Variants in CTNND2 observed in about 807,000 individuals in gnomAD.
CTNND2 encodes catenin delta-2.
CTNND2 carries 22 observed loss-of-function variants against 144.4 expected under a neutral mutation model. That is an observed-to-expected ratio of 0.15 (90% CI 0.11 to 0.22). The LOEUF is 0.22. CTNND2 is among the 10% of genes least tolerant of loss of function. The pLI, the probability that CTNND2 is intolerant of heterozygous loss-of-function variation, is 1.00. For missense variants in CTNND2, 1,353 were observed against 1,618.8 expected, an observed-to-expected ratio of 0.84 and a Z score of 2.82; for synonymous variants, 751 against 695.6, an observed-to-expected ratio of 1.08 and a Z score of -1.25.
At chr5:11,871,824 T>C (rs554510122) in intron 1 of CTNND2, among the ~76,000 whole-genome samples, 330 of 152,310 alleles carry the variant, frequency 2.2e-3, no homozygotes, top group African/African-American at 7.3e-3. Context: ...AAATTTCTTA[T>C]TCTAATATTG....
chr5:11,560,086 C>T (rs1360257456), intron 3 of CTNND2, among the ~76,000 whole-genome samples: 2 of 152,126 alleles, frequency 1.3e-5, no homozygotes, highest in Admixed American at 6.5e-5. Flanking sequence ...GAAGTGGAGA[C>T]AATGATGACA....
At chr5:11,535,442 T>A (rs1348375013) in intron 3 of CTNND2, among the ~76,000 whole-genome samples, 1 of 152,324 alleles carries the variant, frequency 6.6e-6, no homozygotes, top group East Asian at 1.9e-4. Flanking sequence ...CTTCCGTATA[T>A]AATTTTTTCC....
chr5:11,329,024 T>G (rs899018583), intron 9 of CTNND2, among the ~76,000 whole-genome samples: 1 of 152,250 alleles, frequency 6.6e-6, no homozygotes, highest in Non-Finnish European at 1.5e-5. Context: ...GGCTTGTAGA[T>G]GAACAAATTC....
chr5:11,399,622 A>G (rs7720778), intron 5 of CTNND2, among the ~76,000 whole-genome samples: 8,732 of 152,272 alleles, frequency 0.057, 574 homozygotes, highest in African/African-American at 0.15. Context: ...CTCCCAGAAT[A>G]TATATGATAG....
intron 1 of CTNND2, among the ~76,000 whole-genome samples, chr5:11,809,223 C>T (rs1304110404): frequency 2.6e-5 from 4 of 152,064 alleles, no homozygotes; most frequent in African/African-American, 9.7e-5. Flanking sequence ...GTTGAGATAT[C>T]CATTTATTCT....
At chr5:11,209,718 T>G (rs153603) in intron 10 of CTNND2, among the ~76,000 whole-genome samples, 2 of 151,844 alleles carry the variant, frequency 1.3e-5, no homozygotes, top group Non-Finnish European at 2.9e-5. Context: ...GTCAGGAGAT[T>G]GAGACCATCC....
intron 11 of CTNND2, among the ~76,000 whole-genome samples, chr5:11,171,561 A>G (rs1314922380): frequency 6.6e-6 from 1 of 152,188 alleles, no homozygotes; most frequent in Non-Finnish European, 1.5e-5. Context: ...GTATTTTGTG[A>G]ATGCCTGTTG....
chr5:11,853,900 C>A (rs555327612), intron 1 of CTNND2, among the ~76,000 whole-genome samples: 7 of 152,204 alleles, frequency 4.6e-5, no homozygotes, highest in Non-Finnish European at 1.5e-5. Context: ...TTGACAACAT[C>A]ATCTCTGAAC....
At chr5:11,771,211 G>GTTT (rs1302426806) in intron 1 of CTNND2, among the ~76,000 whole-genome samples, 1 of 125,298 alleles carries the variant, frequency 8.0e-6, no homozygotes, top group African/African-American at 3.1e-5. Flanking sequence ...TTTTTTTTTG[G>GTTT]GATGGAGTCT....
intron 1 of CTNND2, among the ~76,000 whole-genome samples, chr5:11,817,374 G>C (rs1417179832): frequency 2.3e-5 from 1 of 42,942 alleles, no homozygotes; most frequent in Non-Finnish European, 4.2e-5. Flanking sequence ...AGAGAGAGAG[G>C]GGGGGAGAGA....
intron 1 of CTNND2, among the ~76,000 whole-genome samples, chr5:11,818,535 T>C (rs762808348): frequency 2.0e-5 from 3 of 152,204 alleles, no homozygotes; most frequent in East Asian, 1.9e-4. Flanking sequence ...GCCCAGCTAA[T>C]TTATGTATAC....
chr5:10,973,329 C>T lies in CTNND2; in HGVS notation c.*124G>A. ...CTCTTAATATTTCCTTACTGGTTAT[C>T]ACAGCCTTCCTATGGAACAGGCTTT... On this transcript the variant is annotated 3_prime_UTR_variant, in exon 22 of 22. Transcript: ENST00000304623. This position sits in a 1 kb window ranked among gnomAD's most constrained non-coding sequence, Gnocchi z 5.6. The T allele has an allele frequency of 9.7e-7, 1 of 1,032,476 alleles. No homozygotes were observed. The highest frequency in any genetic ancestry group is 2.3e-5 in the South Asian group (1 of 43,942). 64.0% of individuals were successfully genotyped at this position (1,032,476 alleles called of 1,614,324 possible). A position where few individuals can be genotyped will look rare whatever the true frequency, so the allele number is the denominator to read the frequency against.
At chr5:11,206,745 T>C (rs1738089635) in intron 10 of CTNND2, among the ~76,000 whole-genome samples, 1 of 152,216 alleles carries the variant, frequency 6.6e-6, no homozygotes, top group African/African-American at 2.4e-5. Context: ...AGAAAGTACC[T>C]AAGAAATTCT....
chr5:11,407,085 C>A lies in CTNND2; in HGVS notation c.439+4451G>T, dbSNP rs530475090. Among the ~76,000 whole-genome samples the A allele has an allele frequency of 3.9e-5, 6 of 152,204 alleles. No individual in the cohort carries two copies. In the South Asian group the frequency reaches 1.0e-3, roughly 26 times the overall value. ...TGAATCACTGGCTAAGATATAATCACCTTTATTTCTGAGTTTGTATATAAA... is the reference window on the plus strand; with the variant it reads ...TGAATCACTGGCTAAGATATAATCAACTTTATTTCTGAGTTTGTATATAAA... On this transcript the variant is annotated intron_variant, in intron 5 of 21. Coordinates refer to ENST00000304623, the MANE Select transcript of CTNND2 (RefSeq NM_001332.4).
intron 1 of CTNND2, among the ~76,000 whole-genome samples, chr5:11,797,120 A>C (rs748046185): frequency 6.6e-5 from 10 of 152,232 alleles, no homozygotes; most frequent in Non-Finnish European, 1.0e-4. Context: ...TTTCTTTGAC[A>C]TTGAGATTGG....
intron 8 of CTNND2, among the ~76,000 whole-genome samples, chr5:11,360,068 G>C (rs1480724094): frequency 2.0e-5 from 3 of 152,116 alleles, no homozygotes; most frequent in Non-Finnish European, 2.9e-5. Context: ...GGACCTGTTT[G>C]ATTACAAAAA....
rs115979579 is a variant in CTNND2, at chr5:11,654,485, G to A, written c.174+77651C>T. 4.3e-3 allele frequency among the ~76,000 whole-genome samples: 653 copies of A among 151,752 alleles called. 5 individuals are homozygous for A. Among genetic ancestry groups the A allele is most frequent in the African/African-American group, 0.015 (619 of 41,378 alleles). On this transcript the variant is annotated intron_variant, in intron 2 of 21. Coordinates refer to ENST00000304623, the MANE Select transcript of CTNND2 (RefSeq NM_001332.4). ...CATAAGCATTTTTATTTTTTTTGAT[G>A]TTATTGTAAATGAGATTTTTAAAAG...
At chr5:11,250,483 C>CTATATA (rs1265877831) in intron 9 of CTNND2, among the ~76,000 whole-genome samples, 104 of 65,378 alleles carry the variant, frequency 1.6e-3, no homozygotes, top group African/African-American at 4.1e-3. Flanking sequence ...CTCTCTCTCT[C>CTATATA]TCTCTCTCTA....
intron 1 of CTNND2, among the ~76,000 whole-genome samples, chr5:11,787,128 C>T (rs909490377): frequency 1.3e-5 from 2 of 152,172 alleles, no homozygotes; most frequent in African/African-American, 4.8e-5. Flanking sequence ...TATTAAAGTC[C>T]CTAAAATGTA....
Sources: gnomAD v4.1 joint callset for allele counts (sites outside exome capture counted in the v4.1 genomes callset) on GRCh38, gnomAD v4.1.1 for gene constraint, Gnocchi (gnomAD v3.1) non-coding constraint, MANE v1.5 for transcripts, NCBI Gene and HGNC (gene_info 2026-07-23, HGNC 2026-07-21) for gene names.